The following PABPC4L variants were observed in gnomAD, a reference collection of about 807,000 sequenced individuals.
PABPC4L encodes polyadenylate-binding protein 4-like.
For synonymous variants in PABPC4L, 169 were observed against 164.1 expected (o/e 1.03, Z -0.23); for missense variants, 452 against 451.4 (o/e 1.00, Z -0.01).
the PABPC4L span, among the ~76,000 whole-genome samples, chr4:134,112,534 C>A: frequency 6.6e-6 from 1 of 151,796 alleles, no homozygotes; most frequent in African/African-American, 2.4e-5. Flanking sequence ...CAAAAAACAA[C>A]TGGATCCATT....
chr4:134,032,126 G>A, the PABPC4L span, among the ~76,000 whole-genome samples: 2 of 151,642 alleles, frequency 1.3e-5, no homozygotes, highest in African/African-American at 4.8e-5. Context: ...AAAAGGGAAG[G>A]AAAGGCCACA....
chr4:134,168,699 A>T, the PABPC4L span, among the ~76,000 whole-genome samples: 1 of 152,014 alleles, frequency 6.6e-6, no homozygotes, highest in South Asian at 2.1e-4. Context: ...GACACATAAA[A>T]CCTACCAAGA....
chr4:134,142,880 A>G, the PABPC4L span, among the ~76,000 whole-genome samples: 1 of 151,676 alleles, frequency 6.6e-6, no homozygotes, highest in Non-Finnish European at 1.5e-5. Flanking sequence ...AGCTTTTGCA[A>G]TAGCACTTAA....
the PABPC4L span, among the ~76,000 whole-genome samples, chr4:134,093,434 C>T: frequency 6.6e-6 from 1 of 151,546 alleles, no homozygotes; most frequent in South Asian, 2.1e-4. Flanking sequence ...TTAACATAAT[C>T]CATTTCTATA....
At chr4:134,044,080 T>A in the PABPC4L span, among the ~76,000 whole-genome samples, 1 of 150,900 alleles carries the variant, frequency 6.6e-6, no homozygotes, top group Admixed American at 6.6e-5. Context: ...GCCTCCAGCT[T>A]ATCTGGGACT....
chr4:134,103,574 T>G, the PABPC4L span, among the ~76,000 whole-genome samples: 1 of 151,678 alleles, frequency 6.6e-6, no homozygotes, highest in South Asian at 2.1e-4. Context: ...TCACTTAAAA[T>G]GTACTACCTC....
chr4:134,089,465 G>T, the PABPC4L span, among the ~76,000 whole-genome samples: 1 of 152,018 alleles, frequency 6.6e-6, no homozygotes, highest in Admixed American at 6.6e-5. Context: ...CTGGGGTTTA[G>T]ACAAATAATG....
the PABPC4L span, among the ~76,000 whole-genome samples, chr4:134,132,530 A>T: frequency 6.6e-6 from 1 of 151,960 alleles, no homozygotes; most frequent in African/African-American, 2.4e-5. Flanking sequence ...TCACACTGGC[A>T]AGAATGGCAA....
At chr4:134,011,909 T>C in the PABPC4L span, among the ~76,000 whole-genome samples, 1 of 152,204 alleles carries the variant, frequency 6.6e-6, no homozygotes, top group African/African-American at 2.4e-5. Context: ...TAATAAAATA[T>C]TGGGAGCAGC....
At chr4:134,123,286 A>T in the PABPC4L span, among the ~76,000 whole-genome samples, 116 of 152,204 alleles carry the variant, frequency 7.6e-4, no homozygotes, top group African/African-American at 2.7e-3. Context: ...AGCACTAGAC[A>T]GCATCTCAGA....
chr4:134,085,766 C>T, the PABPC4L span, among the ~76,000 whole-genome samples: 1 of 151,996 alleles, frequency 6.6e-6, no homozygotes, highest in Non-Finnish European at 1.5e-5. Flanking sequence ...TTGCTGTATA[C>T]CACTCTGTTG....
At chr4:134,160,126 G>A in the PABPC4L span, among the ~76,000 whole-genome samples, 1 of 151,964 alleles carries the variant, frequency 6.6e-6, no homozygotes, top group Admixed American at 6.6e-5. Flanking sequence ...CTAGGCATTA[G>A]TGGCCACAAG....
At chr4:134,065,570 CTGTT>C in the PABPC4L span, among the ~76,000 whole-genome samples, 4 of 152,036 alleles carry the variant, frequency 2.6e-5, no homozygotes, top group Admixed American at 1.3e-4. Flanking sequence ...TGGAGGTAGT[CTGTT>C]TGCTCTGTTT....
At chr4:134,133,894 T>G in the PABPC4L span, among the ~76,000 whole-genome samples, 5 of 152,042 alleles carry the variant, frequency 3.3e-5, no homozygotes, top group Admixed American at 2.0e-4. Context: ...TGAATGTAAA[T>G]TTTAGTTGTG....
At chr4:133,964,337 C>CAAAA in the PABPC4L span, among the ~76,000 whole-genome samples, 1 of 146,942 alleles carries the variant, frequency 6.8e-6, no homozygotes, top group African/African-American at 2.5e-5. Flanking sequence ...TAAAAATTAC[C>CAAAA]AAAAAAAAAA....
At chr4:133,982,703 A>T in the PABPC4L span, among the ~76,000 whole-genome samples, 1 of 151,976 alleles carries the variant, frequency 6.6e-6, no homozygotes, top group Non-Finnish European at 1.5e-5. Context: ...TCCACAAGCA[A>T]GCAAAATAGT....
the PABPC4L span, among the ~76,000 whole-genome samples, chr4:134,133,535 C>G: frequency 6.6e-6 from 1 of 150,408 alleles, no homozygotes; most frequent in Admixed American, 6.7e-5. Context: ...TTTGCAGCAA[C>G]TTGAATGGAA....
At chr4:133,986,993 C>T in the PABPC4L span, among the ~76,000 whole-genome samples, 2 of 152,134 alleles carry the variant, frequency 1.3e-5, no homozygotes, top group Non-Finnish European at 2.9e-5. Flanking sequence ...GACTCGACCT[C>T]CCAAATTTCT....
In PABPC4L at chr4:134,199,706, T is replaced by A; in HGVS notation, c.*201A>T. The stretch of plus-strand genomic sequence containing the variant: ...CAATATTAAAATTAGAAAATGTGCC[T>A]CTGTAAAATGAACTAAGCTCCATCT... On this transcript the variant is annotated 3_prime_UTR_variant, in exon 2 of 2. Coordinates refer to ENST00000421491, the MANE Select transcript of PABPC4L (RefSeq NM_001114734.2). 1 of 583,240 alleles carries A rather than the reference T, an allele frequency of 1.7e-6. No individual in the cohort carries two copies. The highest frequency in any genetic ancestry group is 2.6e-5 in the South Asian group (1 of 38,328). The allele number at this position is 583,240 out of a possible 1,614,324, so 36.1% of individuals were successfully genotyped here.
Sources: allele counts gnomAD v4.1 joint callset (sites outside exome capture counted in the v4.1 genomes callset), GRCh38; gene constraint gnomAD v4.1.1; transcripts MANE v1.5; gene names NCBI Gene and HGNC (gene_info 2026-07-23, HGNC 2026-07-21).